The following TICAM1 variants were observed in gnomAD, a reference collection of about 807,000 sequenced individuals.
TICAM1 encodes the protein TIR domain containing adaptor molecule 1, also known as TIR domain-containing adapter molecule 1.
For synonymous variants in TICAM1, 439 were observed against 415.4 expected (o/e 1.06, Z -0.69); for missense variants, 895 against 938.2 (o/e 0.95, Z 0.60).
At chr19:4,830,494 C>T (rs565128319) in intron 1 of TICAM1, among the ~76,000 whole-genome samples, 15 of 152,134 alleles carry the variant, frequency 9.9e-5, no homozygotes, top group Admixed American at 5.3e-4. Context: ...GTTTTAACCA[C>T]CTCTCCCACT....
chr19:4,816,415 G>A lies in TICAM1; in HGVS notation c.1963C>T (p.Leu655=). Residue 655 remains leucine (L), a synonymous_variant, in exon 2 of 2, where the codon CTG becomes TTG. Coordinates refer to ENST00000248244, the MANE Select transcript of TICAM1 (RefSeq NM_182919.4). The surrounding 1 kb of genome is among the most constrained non-coding windows in gnomAD (Gnocchi z 4.3). ...AAGGCTGGGGACTGCGGGAAGGGCAGTGACTGTGGAAAGGCTGCTGGCTGT... is the reference window on the plus strand; with the variant it reads ...AAGGCTGGGGACTGCGGGAAGGGCAATGACTGTGGAAAGGCTGCTGGCTGT... ...SPQPAAFPQS[L]PFPQSPAFPT... 6.4e-7 allele frequency: 1 copy of A among 1,569,474 alleles called. No homozygotes were observed. Among genetic ancestry groups the A allele is most frequent in the African/African-American group, 1.4e-5 (1 of 73,726 alleles).
At chr19:4,819,586 G>C (rs946060838) in intron 1 of TICAM1, among the ~76,000 whole-genome samples, 6 of 152,080 alleles carry the variant, frequency 3.9e-5, no homozygotes, top group Non-Finnish European at 7.4e-5. Flanking sequence ...TTGCTAAATA[G>C]CCTCGGCTGA....
intron 1 of TICAM1, among the ~76,000 whole-genome samples, chr19:4,828,174 G>A (rs1439497413): frequency 6.6e-6 from 1 of 151,966 alleles, no homozygotes; most frequent in Non-Finnish European, 1.5e-5. Flanking sequence ...GAGTGCAGTG[G>A]CGCGATCTCG....
intron 1 of TICAM1, among the ~76,000 whole-genome samples, chr19:4,822,734 G>A (rs2093599747): frequency 6.6e-6 from 1 of 152,204 alleles, no homozygotes; most frequent in African/African-American, 2.4e-5. Flanking sequence ...AGACAGGCAT[G>A]TGATTTTTTT....
chr19:4,825,972 C>G (rs1272155470), intron 1 of TICAM1, among the ~76,000 whole-genome samples: 2 of 151,258 alleles, frequency 1.3e-5, no homozygotes, highest in Non-Finnish European at 2.9e-5. Context: ...AATAAAGAAA[C>G]AAACAAATAA....
intron 1 of TICAM1, among the ~76,000 whole-genome samples, chr19:4,828,574 C>T (rs573082484): frequency 3.3e-4 from 50 of 151,964 alleles, no homozygotes; most frequent in African/African-American, 1.2e-3. Flanking sequence ...CACTTTGTCG[C>T]CCAGGCTGGA....
At position 4,817,048 on chromosome 19, in the gene TICAM1, C is replaced by T; in HGVS notation, c.1330G>A (p.Asp444Asn). ...ATGAAAGCTGAGTGGTCTATGGCGT[C>T]CTGCAGGCAGCTCAGCTCCCCGCGC... ...PGRGELSCLQ[D>N]AIDHSAFIIL... The change falls in exon 2 of 2, where the codon GAC becomes AAC. Residue 444 changes from aspartate to asparagine, a missense_variant. Transcript: ENST00000248244. This position sits in a 1 kb window ranked among gnomAD's most constrained non-coding sequence, Gnocchi z 4.7. The T allele has an allele frequency of 6.2e-7, 1 of 1,614,160 alleles. No individual in the cohort carries two copies. Among genetic ancestry groups the T allele is most frequent in the Non-Finnish European group, 8.5e-7 (1 of 1,180,028 alleles).
In TICAM1 at chr19:4,816,459, G is replaced by T; in HGVS notation, c.1919C>A (p.Thr640Asn). The T allele has an allele frequency of 1.9e-6, 3 of 1,553,946 alleles. No homozygotes were observed. The highest frequency in any genetic ancestry group is 1.2e-5 in the South Asian group (1 of 81,686). Residue 640 changes from threonine (T) to asparagine (N), a missense_variant, in exon 2 of 2, where the codon ACC becomes AAC. Transcript: ENST00000248244. The surrounding 1 kb of genome is among the most constrained non-coding windows in gnomAD (Gnocchi z 4.3). ...PPPLHAWQAG[T>N]PPPPSPQPAA... ...TGGCTGTGGGGAGGGCGGTGGGGGGGTGCCAGCCTGCCATGCGTGCAGGGG... is the reference window on the plus strand; with the variant it reads ...TGGCTGTGGGGAGGGCGGTGGGGGGTTGCCAGCCTGCCATGCGTGCAGGGG...
intron 1 of TICAM1, among the ~76,000 whole-genome samples, chr19:4,828,832 A>C (rs2093609642): frequency 6.6e-6 from 1 of 151,576 alleles, no homozygotes; most frequent in African/African-American, 2.4e-5. Flanking sequence ...CCTCCCGAGT[A>C]GCTGGGACTA....
At chr19:4,821,029 G>C (rs7255580) in intron 1 of TICAM1, among the ~76,000 whole-genome samples, 105,581 of 145,832 alleles carry the variant, frequency 0.72, 39,283 homozygotes, top group African/African-American at 0.93. Flanking sequence ...CCCGTCTCTA[G>C]TAAAAAAAAA....
chr19:4,824,329 ATTT>A (rs1213088504), intron 1 of TICAM1, among the ~76,000 whole-genome samples: 2 of 107,404 alleles, frequency 1.9e-5, no homozygotes, highest in African/African-American at 3.9e-5. Flanking sequence ...CTTTTATCCA[ATTT>A]TTTTTTTTTT....
At chr19:4,829,513 C>G (rs760341189) in intron 1 of TICAM1, among the ~76,000 whole-genome samples, 2 of 151,740 alleles carry the variant, frequency 1.3e-5, no homozygotes, top group African/African-American at 2.4e-5. Context: ...AGGCGCCTGG[C>G]GGGACAAAAA....
chr19:4,826,183 G>A (rs1164346189), intron 1 of TICAM1, among the ~76,000 whole-genome samples: 1 of 151,592 alleles, frequency 6.6e-6, no homozygotes, highest in Non-Finnish European at 1.5e-5. Context: ...AATAAAAAAG[G>A]TATGGAAGAT....
intron 1 of TICAM1, among the ~76,000 whole-genome samples, chr19:4,824,672 C>T (rs1248191901): frequency 6.6e-6 from 1 of 151,108 alleles, no homozygotes; most frequent in East Asian, 2.0e-4. Flanking sequence ...GTGGCTCACA[C>T]CTGTAATCCC....
In TICAM1 at chr19:4,818,886, G is replaced by T. The variant is rs779063837; in HGVS notation, c.-139-370C>A. On this transcript the variant is annotated intron_variant, in intron 1 of 1. Transcript: ENST00000248244. This position sits in a 1 kb window ranked among gnomAD's most constrained non-coding sequence, Gnocchi z 4.0. ...GCAGTTGTGGAGGCCGAGGCGGGGG[G>T]ATCACCTGAGGTCAGGAGTTCGAGA... 5.3e-4 allele frequency among the ~76,000 whole-genome samples: 81 copies of T among 152,244 alleles called. No homozygotes were observed. Among genetic ancestry groups the T allele is most frequent in the African/African-American group, 1.8e-3 (76 of 41,548 alleles).
chr19:4,817,530 G>T lies in TICAM1; in HGVS notation c.848C>A (p.Thr283Asn). 3 of 1,613,698 alleles carry T rather than the reference G, an allele frequency of 1.9e-6. No homozygotes were observed. The highest frequency in any genetic ancestry group is 2.2e-5 in the South Asian group (2 of 91,070). ...PGLPEVAPDATSTGLPDTPAA... is the reference protein window; with the variant it reads ...PGLPEVAPDANSTGLPDTPAA... ...GGGGGTATCAGGGAGGCCAGTGGAGGTTGCATCTGGGGCCACTTCGGGAAG... is the reference window on the plus strand; with the variant it reads ...GGGGGTATCAGGGAGGCCAGTGGAGTTTGCATCTGGGGCCACTTCGGGAAG... Residue 283 changes from threonine to asparagine, a missense_variant, in exon 2 of 2, where the codon ACC becomes AAC. Thr to Asn is a moderately conservative substitution (Grantham distance 65). Transcript: ENST00000248244. The surrounding 1 kb of genome is among the most constrained non-coding windows in gnomAD (Gnocchi z 4.7).
chr19:4,827,212 A>G (rs1256818315), intron 1 of TICAM1, among the ~76,000 whole-genome samples: 1 of 150,828 alleles, frequency 6.6e-6, no homozygotes, highest in Non-Finnish European at 1.5e-5. Context: ...TTAGCCGGGC[A>G]TGGTGGCGCA....
Position 4,816,748 on chromosome 19 carries a change from GTTCC to G in TICAM1, c.1626_1629del (p.Lys542AsnfsTer24). On this transcript the variant is annotated frameshift_variant, in exon 2 of 2. Transcript: ENST00000248244. LOFTEE classifies it low-confidence loss of function (END_TRUNC). This position sits in a 1 kb window ranked among gnomAD's most constrained non-coding sequence, Gnocchi z 4.3. ...TGTTCCCGCAGGGCTCGGGTGTCCT[GTTCC>G]TTCCTCCACATGGCCTTTCGGGCCT... The G allele has an allele frequency of 6.2e-7, 1 of 1,613,724 alleles. No individual in the cohort carries two copies. The highest frequency in any genetic ancestry group is 8.5e-7 in the Non-Finnish European group (1 of 1,180,012).
chr19:4,822,576 C>T (rs2146175796), intron 1 of TICAM1, among the ~76,000 whole-genome samples: 1 of 152,330 alleles, frequency 6.6e-6, no homozygotes, highest in South Asian at 2.1e-4. Context: ...TATTGCAACA[C>T]AGACATCCTC....
Sources: allele counts gnomAD v4.1 joint callset (sites outside exome capture counted in the v4.1 genomes callset), GRCh38; gene constraint gnomAD v4.1.1; non-coding constraint Gnocchi (gnomAD v3.1); transcripts MANE v1.5; gene names NCBI Gene and HGNC (gene_info 2026-07-23, HGNC 2026-07-21).